NPAS3: variants seen among roughly 807,000 people sequenced by gnomAD.
The protein encoded by NPAS3 is neuronal PAS domain-containing protein 3.
NPAS3 carries 14 observed loss-of-function variants against 73.1 expected under a neutral mutation model. The observed-to-expected ratio is 0.19, with a 90% CI of 0.13 to 0.30. NPAS3 has a LOEUF of 0.30. Ranked by LOEUF, NPAS3 falls within the 10% of genes least tolerant of loss-of-function variation. The pLI is 1.00. For synonymous variants in NPAS3, 620 were observed against 541.5 expected, an observed-to-expected ratio of 1.14 and a Z score of -2.01; for missense variants, 1,096 against 1,250.0, an observed-to-expected ratio of 0.88 and a Z score of 1.86.
Position 33,477,665 on chromosome 14 carries a change from A to G in NPAS3, c.469-82456A>G, listed in dbSNP as rs558925216. ...ATTAAACACTTCGGATCCAAAAGCC[A>G]GAAAATCGGAGCTTCTTAGTCTCTC... is the stretch of plus-strand genomic sequence containing the variant. On this transcript the variant is annotated intron_variant, in intron 4 of 11. Transcript: ENST00000356141. Among the ~76,000 whole-genome samples the G allele has an allele frequency of 4.6e-5, 7 of 152,310 alleles. 1 individual carries two copies. The East Asian group carries it at 1.4e-3, about 29-fold the overall frequency.
chr14:33,599,678 G>A (rs181635640), intron 5 of NPAS3, among the ~76,000 whole-genome samples: 5 of 152,266 alleles, frequency 3.3e-5, no homozygotes, highest in Admixed American at 2.0e-4. Context: ...AAGTCAATAA[G>A]CATTTAATTC....
At chr14:32,978,341 C>A (rs2037770779) in intron 1 of NPAS3, among the ~76,000 whole-genome samples, 1 of 152,098 alleles carries the variant, frequency 6.6e-6, no homozygotes, top group Non-Finnish European at 1.5e-5. Context: ...AAAGGAGAAG[C>A]CCAAACACAA....
At chr14:33,419,164 A>G (rs899175751) in intron 4 of NPAS3, among the ~76,000 whole-genome samples, 1 of 151,948 alleles carries the variant, frequency 6.6e-6, no homozygotes, top group Non-Finnish European at 1.5e-5. Context: ...AGAAGTTAGT[A>G]TGACTGGTTC....
chr14:33,665,696 G>T (rs2059433224), intron 5 of NPAS3, among the ~76,000 whole-genome samples: 1 of 152,120 alleles, frequency 6.6e-6, no homozygotes, highest in Admixed American at 6.5e-5. Context: ...TTAAAAAGTT[G>T]ACATTCAAAC....
intron 2 of NPAS3, among the ~76,000 whole-genome samples, chr14:33,120,565 T>C (rs2043200573): frequency 6.6e-6 from 1 of 151,894 alleles, no homozygotes; most frequent in Non-Finnish European, 1.5e-5. Context: ...TTGTGATTTA[T>C]TGAGAAAGGG....
chr14:33,677,704 A>G (rs1276524654), intron 6 of NPAS3, among the ~76,000 whole-genome samples: 2 of 152,088 alleles, frequency 1.3e-5, no homozygotes, highest in African/African-American at 4.8e-5. Context: ...TGTAGTTTCT[A>G]GGGCATTCAT....
intron 4 of NPAS3, among the ~76,000 whole-genome samples, chr14:33,484,198 G>A (rs1457334537): frequency 6.6e-6 from 1 of 152,138 alleles, no homozygotes; most frequent in African/African-American, 2.4e-5. Context: ...TATCATGGAC[G>A]GCAGGGTTGT....
chr14:32,957,121 GA>G (rs2036702188), intron 1 of NPAS3, among the ~76,000 whole-genome samples: 1 of 152,076 alleles, frequency 6.6e-6, no homozygotes, highest in Non-Finnish European at 1.5e-5. Flanking sequence ...GTCTGCGTGG[GA>G]AGATTGATCT....
rs559338272 is a variant in NPAS3 at position 33,103,389 on chromosome 14, A to G, written c.140+47395A>G. Among the ~76,000 whole-genome samples, 38 of 152,184 alleles carry G rather than the reference A, an allele frequency of 2.5e-4. No individual in the cohort carries two copies. In the South Asian group the frequency reaches 7.9e-3, roughly 32 times the overall value. ...TCATGTAGACTTACTATCAACCTTC[A>G]TGTGCTGTTCTGTATATTATTTCTG... On this transcript the variant is annotated intron_variant, in intron 2 of 11. Transcript: ENST00000356141.
chr14:33,163,329 G>A (rs1035491834), intron 2 of NPAS3, among the ~76,000 whole-genome samples: 4 of 152,210 alleles, frequency 2.6e-5, no homozygotes, highest in African/African-American at 9.7e-5. Flanking sequence ...GCTGAGCTTG[G>A]CAGGCCAGGC....
At chr14:33,761,548 G>A (rs2062292041) in intron 7 of NPAS3, among the ~76,000 whole-genome samples, 2 of 152,086 alleles carry the variant, frequency 1.3e-5, no homozygotes. Context: ...GAACTCAAGG[G>A]GGTTTCAGGA....
intron 2 of NPAS3, among the ~76,000 whole-genome samples, chr14:33,131,928 G>A (rs1377452080): frequency 2.0e-5 from 3 of 152,142 alleles, no homozygotes; most frequent in Non-Finnish European, 2.9e-5. Context: ...TGGAGAGCTG[G>A]TTCTTTAGGA....
chr14:33,231,248 C>T (rs1233169743), intron 3 of NPAS3, among the ~76,000 whole-genome samples: 2 of 152,128 alleles, frequency 1.3e-5, no homozygotes, highest in Non-Finnish European at 2.9e-5. Context: ...TAAAGGATTT[C>T]TATAGCAATT....
intron 1 of NPAS3, among the ~76,000 whole-genome samples, chr14:32,951,680 T>A (rs1215708156): frequency 2.0e-5 from 3 of 152,098 alleles, no homozygotes; most frequent in Admixed American, 1.3e-4. Flanking sequence ...AAGAAGGAAG[T>A]TAACAATGTA....
chr14:33,202,806 T>G lies in NPAS3; in HGVS notation c.141-12376T>G, dbSNP rs139106506. 9.9e-3 allele frequency among the ~76,000 whole-genome samples: 1,515 copies of G among 152,278 alleles called. 22 individuals are homozygous for G. Among genetic ancestry groups the G allele is most frequent in the African/African-American group, 0.034 (1,418 of 41,564 alleles). ...TCATGGAAAGATGGTATCATTAGTCTGCATTATTTCAAAGTGATATTTTCC... is the reference window on the plus strand; with the variant it reads ...TCATGGAAAGATGGTATCATTAGTCGGCATTATTTCAAAGTGATATTTTCC... On this transcript the variant is annotated intron_variant, in intron 2 of 11. Transcript: ENST00000356141.
At chr14:33,044,630 A>T (rs142771040) in intron 1 of NPAS3, among the ~76,000 whole-genome samples, 16 of 151,760 alleles carry the variant, frequency 1.1e-4, no homozygotes, top group Non-Finnish European at 1.9e-4. Flanking sequence ...TTCTGCCTTC[A>T]GAATTCTAAG....
chr14:33,537,744 C>G (rs1008083673), intron 4 of NPAS3, among the ~76,000 whole-genome samples: 6 of 152,144 alleles, frequency 3.9e-5, no homozygotes, highest in African/African-American at 1.4e-4. Flanking sequence ...GAGTAGGGAC[C>G]CATTTGACAT....
At chr14:32,999,282 T>C (rs775685021) in intron 1 of NPAS3, among the ~76,000 whole-genome samples, 27 of 152,152 alleles carry the variant, frequency 1.8e-4, no homozygotes, top group Middle Eastern at 3.4e-3. Flanking sequence ...GAGGCCAAGG[T>C]GGGCAGATCA....
At chr14:33,012,818 A>G (rs766820039) in intron 1 of NPAS3, among the ~76,000 whole-genome samples, 2 of 152,104 alleles carry the variant, frequency 1.3e-5, no homozygotes, top group African/African-American at 2.4e-5. Context: ...CCAAAGTGCT[A>G]GGATTACAGG....
Sources: gnomAD v4.1 joint callset for allele counts (sites outside exome capture counted in the v4.1 genomes callset) on GRCh38, gnomAD v4.1.1 for gene constraint, MANE v1.5 for transcripts, NCBI Gene and HGNC (gene_info 2026-07-23, HGNC 2026-07-21) for gene names.